The following DEUP1 variants were observed in gnomAD, a reference collection of about 807,000 sequenced individuals.
DEUP1 encodes coiled-coil domain containing 67.
In DEUP1, 82 loss-of-function variants were observed where a neutral mutation model predicts 87.4. That is an observed-to-expected ratio of 0.94 (90% CI 0.78 to 1.13). The LOEUF is 1.13. DEUP1 is among the 50% of genes most tolerant of loss of function. The probability of loss-of-function intolerance (pLI) is 0.00; values close to 1 mark genes in which losing one functional copy is unlikely to be tolerated. For missense variants in DEUP1, 663 were observed against 681.5 expected (o/e 0.97, Z 0.30); for synonymous variants, 214 against 222.7 (o/e 0.96, Z 0.35).
At chr11:93,334,819 T>C (rs996354279) in intron 2 of DEUP1, among the ~76,000 whole-genome samples, 3 of 150,564 alleles carry the variant, frequency 2.0e-5, no homozygotes, top group Admixed American at 6.7e-5. Context: ...TGTTTGTTCT[T>C]TTTGTTTTTA....
intron 13 of DEUP1, among the ~76,000 whole-genome samples, chr11:93,433,327 G>A (rs553217564): frequency 6.6e-6 from 1 of 152,240 alleles, no homozygotes; most frequent in Non-Finnish European, 1.5e-5. Flanking sequence ...ACCAGTCTGG[G>A]CAACATAATG....
At chr11:93,364,047 C>A in intron 4 of DEUP1, 113 bp from the exon 5 acceptor site, 1 of 752,942 alleles carries the variant, frequency 1.3e-6, no homozygotes, top group Non-Finnish European at 2.1e-6. Context: ...AGCTTTACTG[C>A]ACTTTCTAAT....
chr11:93,414,980 A>C lies in DEUP1; in HGVS notation c.1524-20A>C, dbSNP rs1436730439. The C allele has an allele frequency of 1.5e-6, 2 of 1,368,346 alleles. No individual in the cohort carries two copies. Among genetic ancestry groups the C allele is most frequent in the South Asian group, 1.6e-5 (1 of 61,164 alleles). 84.8% of individuals were successfully genotyped at this position (1,368,346 alleles called of 1,614,324 possible). On this transcript the variant is annotated intron_variant, in intron 12 of 13. Coordinates refer to ENST00000298050, the MANE Select transcript of DEUP1 (RefSeq NM_181645.4). ...ATGTGTCCTTGATAGCAACAACAAC[A>C]ACCATTTCTTCTCTTTTAGACTTAG...
chr11:93,378,712 A>G (rs575396328), intron 7 of DEUP1, among the ~76,000 whole-genome samples: 1 of 152,198 alleles, frequency 6.6e-6, no homozygotes, highest in South Asian at 2.1e-4. Flanking sequence ...ACTATGTCAG[A>G]TGGAAGATCT....
chr11:93,432,572 G>C (rs75065035), intron 13 of DEUP1, among the ~76,000 whole-genome samples: 251 of 152,226 alleles, frequency 1.6e-3, no homozygotes, highest in African/African-American at 5.6e-3. Context: ...GGCAAGACCC[G>C]GGCAGATGGG....
intron 13 of DEUP1, among the ~76,000 whole-genome samples, chr11:93,415,766 C>A (rs116607070): frequency 6.6e-6 from 1 of 151,766 alleles, no homozygotes; most frequent in Non-Finnish European, 1.5e-5. Context: ...TTTTTCTCAA[C>A]CTTGTTTTTT....
At chr11:93,378,493 G>A (rs1474607821) in intron 7 of DEUP1, among the ~76,000 whole-genome samples, 2 of 151,336 alleles carry the variant, frequency 1.3e-5, no homozygotes, top group African/African-American at 4.9e-5. Context: ...TCTCTTTTTT[G>A]ATTTCTTAAA....
intron 13 of DEUP1, among the ~76,000 whole-genome samples, chr11:93,426,994 T>TAAAAAAAAAAAAAAAAAAA (rs1157644297): frequency 3.4e-4 from 1 of 2,912 alleles, no homozygotes; most frequent in Non-Finnish European, 5.5e-4. Context: ...TAGAGTATAA[T>TAAAAAAAAAAAAAAAAAAA]AAAAAAAAAA....
intron 13 of DEUP1, among the ~76,000 whole-genome samples, chr11:93,433,747 A>T (rs974583649): frequency 1.3e-5 from 2 of 152,132 alleles, no homozygotes; most frequent in African/African-American, 4.8e-5. Context: ...TCAGGAGGAG[A>T]GTGAAGGAGA....
intron 2 of DEUP1, among the ~76,000 whole-genome samples, chr11:93,341,597 A>G (rs556681591): frequency 2.2e-4 from 34 of 152,272 alleles, no homozygotes; most frequent in African/African-American, 7.9e-4. Flanking sequence ...TTGAGTTTCA[A>G]ACAAAATGCT....
chr11:93,420,646 T>C (rs1299781636), intron 13 of DEUP1, among the ~76,000 whole-genome samples: 2 of 147,486 alleles, frequency 1.4e-5, no homozygotes, highest in African/African-American at 2.5e-5. Flanking sequence ...GATGACATGA[T>C]TGTATATCGA....
intron 13 of DEUP1, among the ~76,000 whole-genome samples, chr11:93,417,800 C>T (rs1321860447): frequency 1.3e-5 from 2 of 151,974 alleles, no homozygotes; most frequent in Non-Finnish European, 2.9e-5. Context: ...GCTACAGTAA[C>T]CAAAACAGCA....
intron 13 of DEUP1, among the ~76,000 whole-genome samples, chr11:93,431,188 T>C (rs1948097134): frequency 6.6e-6 from 1 of 151,750 alleles, no homozygotes; most frequent in Non-Finnish European, 1.5e-5. Context: ...TAGGGAGTGA[T>C]GAAAGTATGG....
chr11:93,385,132 GA>G (rs1008456531), intron 7 of DEUP1, among the ~76,000 whole-genome samples: 2 of 152,162 alleles, frequency 1.3e-5, no homozygotes, highest in African/African-American at 4.8e-5. Flanking sequence ...TAAGGCAGGA[GA>G]ATTGGTTGAA....
intron 2 of DEUP1, chr11:93,352,412 A>T: frequency 1.4e-6 from 1 of 702,330 alleles, no homozygotes. Flanking sequence ...CTCTGTAGTG[A>T]GAGCACTTAC....
chr11:93,346,671 A>G (rs1026881489), intron 2 of DEUP1, among the ~76,000 whole-genome samples: 4 of 152,148 alleles, frequency 2.6e-5, no homozygotes, highest in African/African-American at 7.2e-5. Context: ...CTTCCTATCC[A>G]TGAGCATGGA....
intron 5 of DEUP1, among the ~76,000 whole-genome samples, chr11:93,367,717 G>A (rs1945495603): frequency 2.6e-5 from 4 of 152,122 alleles, no homozygotes; most frequent in African/African-American, 9.7e-5. Flanking sequence ...ATTGAGGGTT[G>A]AAAACATCAC....
intron 2 of DEUP1, among the ~76,000 whole-genome samples, chr11:93,332,946 G>A (rs1486456730): frequency 6.6e-6 from 1 of 152,162 alleles, no homozygotes; most frequent in Non-Finnish European, 1.5e-5. Flanking sequence ...GTTGTATAGT[G>A]CCTAATCTTG....
At chr11:93,394,246 G>C (rs1413154949) in intron 9 of DEUP1, among the ~76,000 whole-genome samples, 5 of 152,112 alleles carry the variant, frequency 3.3e-5, no homozygotes, top group Non-Finnish European at 7.4e-5. Flanking sequence ...ACAGAAAATA[G>C]AAGTGAGAAA....
Sources: gnomAD v4.1 joint callset for allele counts (sites outside exome capture counted in the v4.1 genomes callset) on GRCh38, gnomAD v4.1.1 for gene constraint, MANE v1.5 for transcripts, NCBI Gene and HGNC (gene_info 2026-07-23, HGNC 2026-07-21) for gene names.